EPHA3: variants seen among roughly 807,000 people sequenced by gnomAD.
The protein encoded by EPHA3 is EPH receptor A3, also known as ephrin type-A receptor 3.
EPHA3 carries 42 observed loss-of-function variants against 107.1 expected under a neutral mutation model. The observed-to-expected ratio is 0.39, with a 90% CI of 0.31 to 0.51. EPHA3 has a LOEUF of 0.51. Ranked by LOEUF, EPHA3 falls within the 20% of genes least tolerant of loss-of-function variation. The probability of loss-of-function intolerance (pLI) is 0.78; values close to 1 mark genes in which losing one functional copy is unlikely to be tolerated. For missense variants in EPHA3, 1,183 were observed against 1,211.2 expected, an observed-to-expected ratio of 0.98 and a Z score of 0.35; for synonymous variants, 461 against 424.8, an observed-to-expected ratio of 1.09 and a Z score of -1.05.
intron 3 of EPHA3, among the ~76,000 whole-genome samples, chr3:89,242,802 G>C (rs1704935605): frequency 6.6e-6 from 1 of 151,526 alleles, no homozygotes; most frequent in South Asian, 2.1e-4. Flanking sequence ...TGTGCACAAC[G>C]TGCAGGTTAG....
intron 3 of EPHA3, among the ~76,000 whole-genome samples, chr3:89,250,315 G>T (rs1358543303): frequency 6.6e-6 from 1 of 152,138 alleles, no homozygotes; most frequent in Non-Finnish European, 1.5e-5. Flanking sequence ...CATTTACTCA[G>T]TTGCTTCTTT....
chr3:89,257,389 C>A (rs369262246), intron 3 of EPHA3, among the ~76,000 whole-genome samples: 22 of 152,138 alleles, frequency 1.4e-4, no homozygotes, highest in African/African-American at 5.1e-4. Flanking sequence ...CTTGCTTTCA[C>A]CCCACTCCCT....
At chr3:89,318,655 C>T (rs1706967823) in intron 3 of EPHA3, among the ~76,000 whole-genome samples, 1 of 151,872 alleles carries the variant, frequency 6.6e-6, no homozygotes, top group Non-Finnish European at 1.5e-5. Flanking sequence ...TTTCCAAACA[C>T]ATGCTTACAT....
At chr3:89,156,260 C>T (rs1000750980) in intron 2 of EPHA3, among the ~76,000 whole-genome samples, 1 of 152,018 alleles carries the variant, frequency 6.6e-6, no homozygotes, top group Non-Finnish European at 1.5e-5. Context: ...TGTGTGAAAG[C>T]ACTTCCTTTG....
intron 2 of EPHA3, among the ~76,000 whole-genome samples, chr3:89,192,435 TA>T (rs1165703654): frequency 6.6e-6 from 1 of 151,836 alleles, no homozygotes; most frequent in African/African-American, 2.4e-5. Flanking sequence ...ATAATAAATA[TA>T]AATAAAAGGT....
At chr3:89,351,581 G>C (rs565806241) in intron 5 of EPHA3, among the ~76,000 whole-genome samples, 17 of 151,120 alleles carry the variant, frequency 1.1e-4, no homozygotes, top group African/African-American at 3.9e-4. Context: ...CGTCTTCTGC[G>C]TCGCTCACGC....
chr3:89,338,844 T>C (rs1250140789), intron 3 of EPHA3, among the ~76,000 whole-genome samples: 1 of 152,228 alleles, frequency 6.6e-6, no homozygotes, highest in East Asian at 1.9e-4. Context: ...TTTTTGTTTC[T>C]ATTACAGATG....
Position 89,208,956 on chromosome 3 carries a change from G to T in EPHA3, c.154-904G>T, listed in dbSNP as rs540796962. On this transcript the variant is annotated intron_variant, in intron 2 of 16. Transcript: ENST00000336596. ...GGAAAGTATGGACACAGAGATAACA[G>T]AAACAACTGGTCTAATAGTTTTAGG... Among the ~76,000 whole-genome samples the T allele has an allele frequency of 1.6e-4, 24 of 152,222 alleles. No individual in the cohort carries two copies. The South Asian group carries it at 4.1e-3, about 26-fold the overall frequency.
At chr3:89,116,169 T>C (rs371685993) in intron 1 of EPHA3, among the ~76,000 whole-genome samples, 9 of 152,188 alleles carry the variant, frequency 5.9e-5, no homozygotes, top group African/African-American at 2.2e-4. Context: ...TCTGTGTTCC[T>C]TTCCTGACAC....
intron 5 of EPHA3, among the ~76,000 whole-genome samples, chr3:89,350,620 CAA>C (rs1397425299): frequency 3.4e-5 from 5 of 147,732 alleles, no homozygotes; most frequent in African/African-American, 5.0e-5. Context: ...CTCAGCTCGT[CAA>C]AGTCATTCTC....
intron 3 of EPHA3, among the ~76,000 whole-genome samples, chr3:89,307,152 C>G (rs1289478198): frequency 6.6e-6 from 1 of 152,092 alleles, no homozygotes; most frequent in Non-Finnish European, 1.5e-5. Context: ...AGCTAGTTCT[C>G]TAAAACAAAA....
At chr3:89,343,657 C>G (rs1005415298) in intron 5 of EPHA3, among the ~76,000 whole-genome samples, 4 of 152,292 alleles carry the variant, frequency 2.6e-5, no homozygotes, top group Non-Finnish European at 5.9e-5. Context: ...ATTTCTCTTT[C>G]GTTTCCACTT....
intron 11 of EPHA3, among the ~76,000 whole-genome samples, chr3:89,421,756 G>A (rs564826726): frequency 1.3e-5 from 2 of 151,036 alleles, no homozygotes; most frequent in Non-Finnish European, 3.0e-5. Flanking sequence ...TAAATGTTGT[G>A]GCAAATTTCC....
chr3:89,202,629 T>A (rs1706001092), intron 2 of EPHA3, among the ~76,000 whole-genome samples: 1 of 150,956 alleles, frequency 6.6e-6, no homozygotes, highest in South Asian at 2.1e-4. Flanking sequence ...CATATAAATA[T>A]TTAATATGTC....
At chr3:89,189,772 A>AT (rs1265271084) in intron 2 of EPHA3, among the ~76,000 whole-genome samples, 1 of 152,220 alleles carries the variant, frequency 6.6e-6, no homozygotes, top group East Asian at 1.9e-4. Flanking sequence ...CACATTATCT[A>AT]TTTTTTAAAA....
intron 3 of EPHA3, among the ~76,000 whole-genome samples, chr3:89,274,419 G>A (rs1159888830): frequency 1.3e-5 from 2 of 151,814 alleles, no homozygotes; most frequent in Non-Finnish European, 2.9e-5. Context: ...TAATTTCTAA[G>A]CAATAAGCAG....
At chr3:89,457,215 G>A (rs1016402449) in intron 15 of EPHA3, among the ~76,000 whole-genome samples, 7 of 152,122 alleles carry the variant, frequency 4.6e-5, no homozygotes, top group African/African-American at 1.4e-4. Context: ...AAATCACATC[G>A]CATAATACGG....
rs1447693233 is a variant in EPHA3, at chr3:89,210,492, C to T, written c.786C>T (p.Gly262=). The part of the protein sequence containing the change: ...VPIGKCSCNA[G]YEERGFMCQA... ...TTGGCAAGTGTTCCTGCAATGCTGG[C>T]TATGAAGAAAGAGGTTTTATGTGCC... Residue 262 remains glycine, a synonymous_variant, in exon 3 of 17, where the codon GGC becomes GGT. Coordinates refer to ENST00000336596, the MANE Select transcript of EPHA3 (RefSeq NM_005233.6). The T allele has an allele frequency of 6.4e-7, 1 of 1,563,110 alleles. No homozygotes were observed. The highest frequency in any genetic ancestry group is 8.6e-7 in the Non-Finnish European group (1 of 1,159,392).
intron 2 of EPHA3, among the ~76,000 whole-genome samples, chr3:89,149,258 T>A (rs1454779866): frequency 6.6e-6 from 1 of 152,012 alleles, no homozygotes; most frequent in East Asian, 1.9e-4. Flanking sequence ...AAAAGCAATC[T>A]ATTTACTGAA....
Sources: allele counts gnomAD v4.1 joint callset (sites outside exome capture counted in the v4.1 genomes callset), GRCh38; gene constraint gnomAD v4.1.1; transcripts MANE v1.5; gene names NCBI Gene and HGNC (gene_info 2026-07-23, HGNC 2026-07-21).